ANKS1B: variants seen among roughly 807,000 people sequenced by gnomAD.
The protein encoded by ANKS1B is ankyrin repeat and sterile alpha motif domain-containing protein 1B.
Under a neutral mutation model 148.3 loss-of-function variants are expected in ANKS1B, and 36 were observed. That is an observed-to-expected ratio of 0.24 (90% CI 0.19 to 0.32). The LOEUF (loss-of-function observed/expected upper bound fraction) is 0.32. Ranked by LOEUF, ANKS1B falls within the 10% of genes least tolerant of loss-of-function variation. The pLI is 1.00. For missense variants in ANKS1B, 1,157 were observed against 1,542.6 expected, an observed-to-expected ratio of 0.75 and a Z score of 4.19; for synonymous variants, 542 against 560.8, an observed-to-expected ratio of 0.97 and a Z score of 0.47.
intron 9 of ANKS1B, among the ~76,000 whole-genome samples, chr12:99,523,271 T>C (rs1051113650): frequency 6.6e-6 from 1 of 152,090 alleles, no homozygotes; most frequent in African/African-American, 2.4e-5. Context: ...AAATGGTGAG[T>C]ATTAAACCCC....
chr12:98,803,811 C>A (rs2099026730), intron 20 of ANKS1B, among the ~76,000 whole-genome samples: 1 of 152,150 alleles, frequency 6.6e-6, no homozygotes, highest in Non-Finnish European at 1.5e-5. Context: ...TCTAATTGTT[C>A]CATTAACTCA....
In ANKS1B at chr12:99,193,793, C is replaced by CTTT. The variant is rs34024548; in HGVS notation, c.2420-39401_2420-39399dup. ...ACAGATTTTCCATGTATTTCTAGTT[C>CTTT]TTTTTTTTTTTTTTTTTTTTTTTTT... On this transcript the variant is annotated intron_variant, in intron 14 of 26. Coordinates refer to ENST00000683438, the MANE Select transcript of ANKS1B (RefSeq NM_001352186.2). Among the ~76,000 whole-genome samples, 112 of 66,842 alleles carry CTTT rather than the reference C, an allele frequency of 1.7e-3. 10 individuals carry two copies. The highest frequency in any genetic ancestry group is 3.4e-3 in the African/African-American group (55 of 16,080). The allele number at this position is 66,842 out of a possible 152,430, so 43.9% of individuals were successfully genotyped here.
chr12:99,824,161 C>T (rs565097458), intron 2 of ANKS1B, among the ~76,000 whole-genome samples: 3 of 152,142 alleles, frequency 2.0e-5, no homozygotes, highest in Admixed American at 6.5e-5. Context: ...AGGAATAGTA[C>T]GGAATCTGTA....
chr12:99,773,194 A>T, intron 7 of ANKS1B, 106 bp from the exon 8 acceptor site: 1 of 889,514 alleles, frequency 1.1e-6, no homozygotes, highest in Non-Finnish European at 1.7e-6. Flanking sequence ...AAATATAACA[A>T]GATTAAGCAG....
chr12:99,130,778 AT>A (rs768702237), intron 15 of ANKS1B, among the ~76,000 whole-genome samples: 1 of 152,108 alleles, frequency 6.6e-6, no homozygotes, highest in African/African-American at 2.4e-5. Context: ...CATTCCTCAC[AT>A]GCAAACACTG....
chr12:99,428,708 TGA>T (rs2095309223), intron 11 of ANKS1B, among the ~76,000 whole-genome samples: 1 of 152,278 alleles, frequency 6.6e-6, no homozygotes, highest in African/African-American at 2.4e-5. Context: ...CCCTGCCCAC[TGA>T]GAGAGTCTGA....
chr12:98,846,894 G>A (rs2099477579), intron 17 of ANKS1B, among the ~76,000 whole-genome samples: 1 of 152,192 alleles, frequency 6.6e-6, no homozygotes, highest in Non-Finnish European at 1.5e-5. Context: ...AGCACATTGT[G>A]TGAAAAAATG....
chr12:99,236,895 A>G (rs1474060251), intron 14 of ANKS1B, among the ~76,000 whole-genome samples: 1 of 152,178 alleles, frequency 6.6e-6, no homozygotes, highest in Non-Finnish European at 1.5e-5. Flanking sequence ...TGGGAGCTAA[A>G]TGACGAGAAC....
At chr12:99,885,396 G>A (rs1391669347) in intron 1 of ANKS1B, among the ~76,000 whole-genome samples, 3 of 150,978 alleles carry the variant, frequency 2.0e-5, no homozygotes, top group Admixed American at 6.6e-5. Flanking sequence ...TGCCTCCCGG[G>A]TTCCTGCCAT....
intron 14 of ANKS1B, among the ~76,000 whole-genome samples, chr12:99,226,584 T>C (rs2085971457): frequency 6.6e-6 from 1 of 152,208 alleles, no homozygotes; most frequent in African/African-American, 2.4e-5. Flanking sequence ...ATAATACACA[T>C]GTCACACGGA....
At chr12:99,557,713 G>C (rs920875820) in intron 9 of ANKS1B, among the ~76,000 whole-genome samples, 1 of 152,172 alleles carries the variant, frequency 6.6e-6, no homozygotes, top group Non-Finnish European at 1.5e-5. Context: ...GAACTAGTGT[G>C]GTCATTCTGA....
intron 14 of ANKS1B, among the ~76,000 whole-genome samples, chr12:99,209,000 A>T (rs1450368093): frequency 1.3e-5 from 2 of 152,192 alleles, no homozygotes; most frequent in African/African-American, 4.8e-5. Context: ...GCATAAATTC[A>T]ATAAGAATTA....
chr12:99,316,766 T>A (rs1218860859), intron 12 of ANKS1B, among the ~76,000 whole-genome samples: 4 of 152,168 alleles, frequency 2.6e-5, no homozygotes, highest in Admixed American at 2.6e-4. Context: ...CTGAATGGTA[T>A]TGCCTAGGTT....
chr12:99,208,822 G>C (rs2082983087), intron 14 of ANKS1B, among the ~76,000 whole-genome samples: 1 of 152,080 alleles, frequency 6.6e-6, no homozygotes. Context: ...TTATTTTACA[G>C]ATTTAAGAAA....
chr12:99,155,379 G>A (rs541787148), intron 14 of ANKS1B, among the ~76,000 whole-genome samples: 4 of 151,874 alleles, frequency 2.6e-5, no homozygotes, highest in East Asian at 1.9e-4. Context: ...AAACTGCATC[G>A]CAATCTTGAA....
chr12:99,977,751 C>T (rs1318050857), intron 1 of ANKS1B, among the ~76,000 whole-genome samples: 2 of 152,208 alleles, frequency 1.3e-5, no homozygotes, highest in African/African-American at 4.8e-5. Context: ...GTACGGCTTA[C>T]ATAACCATGT....
chr12:99,776,377 T>C (rs935645460), intron 6 of ANKS1B, among the ~76,000 whole-genome samples: 1 of 152,188 alleles, frequency 6.6e-6, no homozygotes, highest in Non-Finnish European at 1.5e-5. Flanking sequence ...CTATGACACA[T>C]GCACTAAATT....
intron 8 of ANKS1B, among the ~76,000 whole-genome samples, chr12:99,730,756 G>C (rs1433010863): frequency 6.6e-6 from 1 of 152,136 alleles, no homozygotes; most frequent in Non-Finnish European, 1.5e-5. Flanking sequence ...TGGGAAAGGG[G>C]ATAGGAGGGA....
At chr12:99,635,759 G>A (rs188206068) in intron 9 of ANKS1B, among the ~76,000 whole-genome samples, 125 of 152,142 alleles carry the variant, frequency 8.2e-4, no homozygotes, top group African/African-American at 2.9e-3. Flanking sequence ...TATGTTACGT[G>A]TATCTTCACA....
Sources: gnomAD v4.1 joint callset for allele counts (sites outside exome capture counted in the v4.1 genomes callset) on GRCh38, gnomAD v4.1.1 for gene constraint, MANE v1.5 for transcripts, NCBI Gene and HGNC (gene_info 2026-07-23, HGNC 2026-07-21) for gene names.